The following DTNB variants were observed in gnomAD, a reference collection of about 807,000 sequenced individuals.
DTNB encodes the protein dystrobrevin beta.
In DTNB, 63 loss-of-function variants were observed where a neutral mutation model predicts 90.7. The ratio of observed to expected loss-of-function variants is 0.69; its 90% CI spans 0.57 to 0.86. The LOEUF is 0.86. DTNB is among the 40% of genes least tolerant of loss of function. DTNB has a pLI of 0.00. For synonymous variants in DTNB, 277 were observed against 286.7 expected, an observed-to-expected ratio of 0.97 and a Z score of 0.34; for missense variants, 744 against 807.1, an observed-to-expected ratio of 0.92 and a Z score of 0.95.
At chr2:25,528,270 A>C (rs1470133195) in intron 9 of DTNB, among the ~76,000 whole-genome samples, 1 of 152,188 alleles carries the variant, frequency 6.6e-6, no homozygotes, top group Non-Finnish European at 1.5e-5. Flanking sequence ...GAACCTCTTA[A>C]ACCCGATAAA....
intron 10 of DTNB, among the ~76,000 whole-genome samples, chr2:25,467,162 T>TA (rs1357907627): frequency 2.0e-5 from 3 of 152,206 alleles, no homozygotes; most frequent in African/African-American, 7.2e-5. Context: ...AGTGAGAGAA[T>TA]AGAGATTCAT....
At chr2:25,652,572 T>C (rs1435308159) in intron 2 of DTNB, 22 bp downstream of exon 2, 2 of 1,584,734 alleles carry the variant, frequency 1.3e-6, no homozygotes, top group African/African-American at 1.4e-5. Flanking sequence ...CCCGCACATA[T>C]GAACAAGGAC....
intron 4 of DTNB, 138 bp from the exon 5 acceptor site, chr2:25,607,459 G>A (rs763683284): frequency 1.2e-6 from 1 of 807,436 alleles, no homozygotes; most frequent in Non-Finnish European, 1.8e-6. Context: ...AGAAACCCTG[G>A]ATTTTTTTTT....
chr2:25,455,533 AAC>A (rs2059893187), intron 10 of DTNB, 39 bp from the exon 11 acceptor site: 1 of 1,531,280 alleles, frequency 6.5e-7, no homozygotes, highest in Admixed American at 1.9e-5. Flanking sequence ...GCGTGACACA[AAC>A]ACATACAGAG....
chr2:25,607,886 T>C (rs1395942886), intron 4 of DTNB, among the ~76,000 whole-genome samples: 1 of 152,178 alleles, frequency 6.6e-6, no homozygotes, highest in Non-Finnish European at 1.5e-5. Context: ...TACACCACTG[T>C]AAGAAAAGTG....
intron 12 of DTNB, among the ~76,000 whole-genome samples, chr2:25,445,920 G>GTTTT (rs11453188): frequency 1.2e-4 from 16 of 137,070 alleles, no homozygotes; most frequent in African/African-American, 4.3e-4. Flanking sequence ...ACCCTGGGTA[G>GTTTT]TTTTTTTTTT....
chr2:25,668,196 G>A (rs558103952), intron 1 of DTNB, among the ~76,000 whole-genome samples: 4 of 152,206 alleles, frequency 2.6e-5, no homozygotes, highest in South Asian at 2.1e-4. Context: ...CCGAGATCGC[G>A]CCACTGCACT....
At chr2:25,441,498 G>A (rs747023033) in intron 12 of DTNB, among the ~76,000 whole-genome samples, 9 of 152,226 alleles carry the variant, frequency 5.9e-5, no homozygotes, top group Admixed American at 2.6e-4. Flanking sequence ...TATGCTGACA[G>A]CTTTAATGAG....
At chr2:25,502,683 A>T (rs924036581) in intron 9 of DTNB, among the ~76,000 whole-genome samples, 4 of 151,796 alleles carry the variant, frequency 2.6e-5, no homozygotes, top group Non-Finnish European at 5.9e-5. Flanking sequence ...GGAGATGGAG[A>T]CCATCCTGGC....
At chr2:25,620,362 G>C (rs1047639274) in intron 4 of DTNB, among the ~76,000 whole-genome samples, 6 of 152,156 alleles carry the variant, frequency 3.9e-5, no homozygotes, top group African/African-American at 1.4e-4. Flanking sequence ...GTCTTGATCA[G>C]ATTAATTTCG....
At chr2:25,442,907 C>T (rs2057747761) in intron 12 of DTNB, among the ~76,000 whole-genome samples, 1 of 152,132 alleles carries the variant, frequency 6.6e-6, no homozygotes, top group African/African-American at 2.4e-5. Context: ...CTAAAATATC[C>T]AGCACAGGGT....
chr2:25,461,991 G>A (rs2061024385), intron 10 of DTNB, among the ~76,000 whole-genome samples: 1 of 152,202 alleles, frequency 6.6e-6, no homozygotes, highest in South Asian at 2.1e-4. Context: ...CTAAGCCAAT[G>A]CTAATGATGA....
chr2:25,562,287 G>A lies in DTNB; in HGVS notation c.876+14551C>T, dbSNP rs79891922. ...CCTCATTTCTTTTGCTTACCTAATA[G>A]TACTCCATTGTATTGATAAACTACA... On this transcript the variant is annotated intron_variant, in intron 8 of 20. Coordinates refer to ENST00000406818, the MANE Select transcript of DTNB (RefSeq NM_021907.5). Among the ~76,000 whole-genome samples, 977 of 152,126 alleles carry A rather than the reference G, an allele frequency of 6.4e-3. 13 individuals carry two copies. Among genetic ancestry groups the A allele is most frequent in the African/African-American group, 0.022 (927 of 41,398 alleles).
At chr2:25,630,605 G>A (rs997461223) in intron 3 of DTNB, among the ~76,000 whole-genome samples, 1 of 152,170 alleles carries the variant, frequency 6.6e-6, no homozygotes, top group Admixed American at 6.5e-5. Flanking sequence ...AGCACTTTGG[G>A]AGGCCGAGGC....
At chr2:25,467,132 C>T (rs2061929765) in intron 10 of DTNB, among the ~76,000 whole-genome samples, 1 of 152,172 alleles carries the variant, frequency 6.6e-6, no homozygotes, top group Admixed American at 6.5e-5. Context: ...TCCCAATAAT[C>T]AAGCCCTTGG....
chr2:25,401,595 A>C (rs74422637), intron 16 of DTNB, among the ~76,000 whole-genome samples: 1 of 152,376 alleles, frequency 6.6e-6, no homozygotes, highest in African/African-American at 2.4e-5. Flanking sequence ...AGGGGCTCCA[A>C]AAATAGGACT....
intron 9 of DTNB, among the ~76,000 whole-genome samples, chr2:25,488,163 A>T (rs1231420306): frequency 6.6e-6 from 1 of 152,134 alleles, no homozygotes; most frequent in Non-Finnish European, 1.5e-5. Flanking sequence ...AGGGGAATGG[A>T]AGCTAGGAGG....
chr2:25,654,105 C>T (rs1157207732), intron 1 of DTNB, among the ~76,000 whole-genome samples: 1 of 152,170 alleles, frequency 6.6e-6, no homozygotes, highest in Non-Finnish European at 1.5e-5. Context: ...AGACAAATTA[C>T]TTAATCAAGG....
chr2:25,572,121 A>C (rs1204382711), intron 8 of DTNB, among the ~76,000 whole-genome samples: 2 of 152,174 alleles, frequency 1.3e-5, no homozygotes, highest in African/African-American at 4.8e-5. Flanking sequence ...AGTCTTCTTC[A>C]TAAGGATCAT....
Sources: gnomAD v4.1 joint callset for allele counts (sites outside exome capture counted in the v4.1 genomes callset) on GRCh38, gnomAD v4.1.1 for gene constraint, MANE v1.5 for transcripts, NCBI Gene and HGNC (gene_info 2026-07-23, HGNC 2026-07-21) for gene names.